CADPS: variants seen among roughly 807,000 people sequenced by gnomAD.
CADPS encodes the protein calcium-dependent secretion activator 1.
In CADPS, 57 loss-of-function variants were observed where a neutral mutation model predicts 167.3. The observed-to-expected ratio is 0.34, with a 90% confidence interval of 0.28 to 0.42. The LOEUF (loss-of-function observed/expected upper bound fraction) is 0.42, where lower values mean the gene tolerates loss of function less well. Ranked by LOEUF, CADPS falls within the 20% of genes least tolerant of loss-of-function variation. The pLI is 1.00. For synonymous variants in CADPS, 676 were observed against 635.3 expected (o/e 1.06, Z -0.96); for missense variants, 1,414 against 1,738.1 (o/e 0.81, Z 3.32).
chr3:62,833,361 C>T (rs147733804), intron 1 of CADPS, among the ~76,000 whole-genome samples: 4 of 151,852 alleles, frequency 2.6e-5, no homozygotes, highest in Non-Finnish European at 5.9e-5. Flanking sequence ...GACTATGTTG[C>T]CCAGGCTGGT....
intron 4 of CADPS, among the ~76,000 whole-genome samples, chr3:62,651,394 G>A (rs773816504): frequency 5.9e-5 from 9 of 152,198 alleles, no homozygotes; most frequent in Non-Finnish European, 1.2e-4. Flanking sequence ...GAAAAATGGG[G>A]TGTTATTTTT....
intron 8 of CADPS, among the ~76,000 whole-genome samples, chr3:62,576,419 C>T (rs2082268473): frequency 6.6e-6 from 1 of 152,144 alleles, no homozygotes; most frequent in Non-Finnish European, 1.5e-5. Context: ...GTGTCAAGAG[C>T]TTAGCACGCT....
chr3:62,559,774 G>A (rs148583842), intron 9 of CADPS, among the ~76,000 whole-genome samples: 2 of 152,156 alleles, frequency 1.3e-5, no homozygotes, highest in East Asian at 1.9e-4. Flanking sequence ...GATTACAGGC[G>A]TGAGCCACCA....
chr3:62,605,944 G>C (rs556031678), intron 6 of CADPS, among the ~76,000 whole-genome samples: 1 of 152,206 alleles, frequency 6.6e-6, no homozygotes, highest in East Asian at 1.9e-4. Context: ...ATAAAATCGG[G>C]GCTTGAATTT....
chr3:62,814,472 G>C (rs952674760), intron 1 of CADPS: 8 of 152,084 alleles, frequency 5.3e-5, no homozygotes, highest in Admixed American at 3.9e-4. Flanking sequence ...ACATAAATTC[G>C]TGAAGCGGTT....
At chr3:62,561,141 G>T (rs993339419) in intron 9 of CADPS, among the ~76,000 whole-genome samples, 3 of 151,750 alleles carry the variant, frequency 2.0e-5, no homozygotes, top group South Asian at 4.2e-4. Flanking sequence ...ATAGTGTGTG[G>T]GGGGTGAGGG....
chr3:62,598,247 G>C (rs995907871), intron 6 of CADPS, among the ~76,000 whole-genome samples: 1 of 152,156 alleles, frequency 6.6e-6, no homozygotes, highest in Non-Finnish European at 1.5e-5. Context: ...AGCTGGCTCT[G>C]ATCCAATGTC....
chr3:62,634,261 C>T (rs1410633095), intron 6 of CADPS, among the ~76,000 whole-genome samples: 1 of 152,122 alleles, frequency 6.6e-6, no homozygotes, highest in African/African-American at 2.4e-5. Context: ...TTTCTTGGCT[C>T]AGAAGTGATA....
intron 11 of CADPS, among the ~76,000 whole-genome samples, chr3:62,543,106 T>C (rs575915272): frequency 8.5e-5 from 13 of 152,328 alleles, no homozygotes; most frequent in Non-Finnish European, 1.8e-4. Flanking sequence ...GATCAAATCA[T>C]GGTGTTTGGA....
intron 1 of CADPS, among the ~76,000 whole-genome samples, chr3:62,870,899 G>A (rs1197138708): frequency 1.3e-5 from 2 of 152,034 alleles, no homozygotes; most frequent in East Asian, 3.9e-4. Context: ...CCAACTTCTA[G>A]GTATTCACTT....
At chr3:62,593,337 G>C (rs942857452) in intron 6 of CADPS, among the ~76,000 whole-genome samples, 20 of 152,218 alleles carry the variant, frequency 1.3e-4, no homozygotes, top group Non-Finnish European at 2.8e-4. Context: ...CTCATAGTTT[G>C]TGGATATCGG....
chr3:62,403,890 T>C (rs1707357352), intron 28 of CADPS: 1 of 152,228 alleles, frequency 6.6e-6, no homozygotes, highest in African/African-American at 2.4e-5. Context: ...TTTCAAGCTG[T>C]TGAAATCATA....
chr3:62,715,373 C>CTATCTATCTATCTATCTAT (rs1554105668), intron 3 of CADPS, among the ~76,000 whole-genome samples: 6 of 134,580 alleles, frequency 4.5e-5, no homozygotes, highest in South Asian at 2.6e-4. Context: ...TATCTATCTA[C>CTATCTATCTATCTATCTAT]CTATCTATCT....
chr3:62,403,059 G>T (rs373772570), intron 29 of CADPS, 22 bp downstream of exon 29: 3 of 1,440,308 alleles, frequency 2.1e-6, no homozygotes, highest in Non-Finnish European at 1.9e-6. Context: ...TTGCAAAGAA[G>T]AATAATAATC....
At chr3:62,524,295 T>C (rs1004051278) in intron 13 of CADPS, among the ~76,000 whole-genome samples, 8 of 152,176 alleles carry the variant, frequency 5.3e-5, no homozygotes, top group Non-Finnish European at 2.9e-5. Context: ...ATGTTAATTA[T>C]AAATTATAAT....
intron 6 of CADPS, among the ~76,000 whole-genome samples, chr3:62,645,265 A>G (rs117295051): frequency 6.6e-6 from 1 of 152,200 alleles, no homozygotes; most frequent in Non-Finnish European, 1.5e-5. Context: ...TGCTCGGGTG[A>G]TGACACCAAG....
intron 28 of CADPS, among the ~76,000 whole-genome samples, chr3:62,428,329 TA>T (rs2053197556): frequency 4.3e-5 from 5 of 116,070 alleles, no homozygotes; most frequent in South Asian, 2.8e-4. Context: ...TTTTTTTTTT[TA>T]AATTGAGGTC....
chr3:62,758,895 A>T (rs1424334770), intron 2 of CADPS, among the ~76,000 whole-genome samples: 1 of 152,212 alleles, frequency 6.6e-6, no homozygotes, highest in Non-Finnish European at 1.5e-5. Flanking sequence ...GACTGTTCAC[A>T]TTACAGATGA....
intron 3 of CADPS, among the ~76,000 whole-genome samples, chr3:62,738,950 A>G (rs1480109636): frequency 6.6e-6 from 1 of 152,220 alleles, no homozygotes; most frequent in African/African-American, 2.4e-5. Context: ...CATGTCAGCA[A>G]TAATCATAGT....
Sources: gnomAD v4.1 joint callset for allele counts (sites outside exome capture counted in the v4.1 genomes callset) on GRCh38, gnomAD v4.1.1 for gene constraint, MANE v1.5 for transcripts, NCBI Gene and HGNC (gene_info 2026-07-23, HGNC 2026-07-21) for gene names.